Variants in UGT3A1 observed in about 807,000 individuals in gnomAD.
UGT3A1 encodes the protein UDP-glycosyltransferase 3A1.
UGT3A1 carries 40 observed loss-of-function variants against 37.6 expected under a neutral mutation model. That is an observed-to-expected ratio of 1.06 (90% CI 0.83 to 1.38). The LOEUF (loss-of-function observed/expected upper bound fraction) is 1.38. UGT3A1 is among the 40% of genes most tolerant of loss of function. UGT3A1 has a pLI of 0.00. For missense variants in UGT3A1, 642 were observed against 634.2 expected (o/e 1.01, Z -0.13); for synonymous variants, 256 against 232.3 (o/e 1.10, Z -0.93).
chr5:35,972,378 T>A (rs1203913069), intron 2 of UGT3A1, among the ~76,000 whole-genome samples: 2 of 151,714 alleles, frequency 1.3e-5, no homozygotes, highest in Non-Finnish European at 2.9e-5. Context: ...AAAAAAAAAA[T>A]TCTGCTTCAA....
At chr5:35,961,814 G>C (rs1739598637) in intron 4 of UGT3A1, 1 of 152,162 alleles carries the variant, frequency 6.6e-6, no homozygotes, top group African/African-American at 2.4e-5. Flanking sequence ...TTATTCTTCA[G>C]AATTAGTTGT....
At chr5:35,993,906 T>TAAAC (rs112310796), upstream of UGT3A1, among the ~76,000 whole-genome samples, 10 of 70,994 alleles carry the variant, frequency 1.4e-4, no homozygotes, top group African/African-American at 2.5e-4. Context: ...ATGCTGTTAT[T>TAAAC]AAACAAACAA....
intron 2 of UGT3A1, among the ~76,000 whole-genome samples, chr5:35,972,209 C>T (rs1007456710): frequency 6.6e-6 from 1 of 152,112 alleles, no homozygotes; most frequent in Non-Finnish European, 1.5e-5. Flanking sequence ...AAACACTAAT[C>T]TAGGTGTTGA....
chr5:35,991,098 C>T (rs1273641183), intron 1 of UGT3A1, 49 bp downstream of exon 1: 3 of 1,614,032 alleles, frequency 1.9e-6, no homozygotes, highest in Non-Finnish European at 2.5e-6. Context: ...CCTGGCAGTG[C>T]GGGGATCCGG....
At chr5:35,965,274 C>A (rs1739751606) in intron 4 of UGT3A1, 112 bp downstream of exon 4, 1 of 1,489,506 alleles carries the variant, frequency 6.7e-7, no homozygotes, top group Non-Finnish European at 9.0e-7. Flanking sequence ...CTAGGTGCCT[C>A]CTTTGCCAAT....
In UGT3A1 at chr5:35,955,912, T is replaced by C. The variant is rs773557334; in HGVS notation, c.1076-48A>G. 8 of 1,593,512 alleles carry C rather than the reference T, an allele frequency of 5.0e-6. No individual in the cohort carries two copies. In the Admixed American group the frequency reaches 1.4e-4, roughly 27 times the overall value. On this transcript the variant is annotated intron_variant, in intron 5 of 6. Transcript: ENST00000274278. ...TGGAACACTTCAGGATGAAAAATTT[T>C]GGAATACCAGGTAAAGCAGAAAAGT...
chr5:35,957,148 G>T, intron 5 of UGT3A1, 40 bp downstream of exon 5: 1 of 1,564,064 alleles, frequency 6.4e-7, no homozygotes, highest in Non-Finnish European at 8.8e-7. Context: ...ACCAAAGGCA[G>T]GTCAATGGAA....
At chr5:35,961,524 T>A (rs1308115143) in intron 4 of UGT3A1, 1 of 152,204 alleles carries the variant, frequency 6.6e-6, no homozygotes. Context: ...TGTTTCACCC[T>A]GGTGAAAGAA....
intron 4 of UGT3A1, among the ~76,000 whole-genome samples, chr5:35,963,506 T>G (rs1266015865): frequency 6.6e-6 from 1 of 152,050 alleles, no homozygotes; most frequent in Non-Finnish European, 1.5e-5. Context: ...AGCAGCGTGC[T>G]GGGAAAAGGA....
At chr5:35,969,850 T>C (rs1739962945) in intron 2 of UGT3A1, among the ~76,000 whole-genome samples, 3 of 152,168 alleles carry the variant, frequency 2.0e-5, no homozygotes, top group Admixed American at 6.5e-5. Flanking sequence ...AGACGGCAAA[T>C]ATATATGCCC....
intron 2 of UGT3A1, among the ~76,000 whole-genome samples, chr5:35,981,304 A>G (rs542711197): frequency 2.6e-5 from 4 of 152,326 alleles, no homozygotes; most frequent in Non-Finnish European, 5.9e-5. Flanking sequence ...CCAGAACTCA[A>G]ATATGAGAAT....
chr5:35,956,224 T>A (rs2149948281), intron 5 of UGT3A1, among the ~76,000 whole-genome samples: 1 of 152,376 alleles, frequency 6.6e-6, no homozygotes. Flanking sequence ...ACACTGTATG[T>A]GCTGTTTTCT....
At chr5:35,977,102 AAG>A (rs1740317585) in intron 2 of UGT3A1, among the ~76,000 whole-genome samples, 2 of 44,156 alleles carry the variant, frequency 4.5e-5, no homozygotes. Context: ...GAAAGAAAGA[AAG>A]AGAAAGAGAG....
intron 2 of UGT3A1, among the ~76,000 whole-genome samples, chr5:35,976,333 C>T (rs912185266): frequency 1.3e-5 from 2 of 152,114 alleles, no homozygotes. Context: ...TAGAAGATCT[C>T]TTAGGGCATC....
chr5:35,990,362 C>T (rs1191009376), intron 1 of UGT3A1, among the ~76,000 whole-genome samples: 1 of 152,114 alleles, frequency 6.6e-6, no homozygotes, highest in African/African-American at 2.4e-5. Context: ...CTTTAGCGCC[C>T]ACTACGGATT....
rs541824037 is a variant in UGT3A1, at chr5:35,951,223, G to C, written c.*2979C>G. The C allele has an allele frequency of 6.6e-6, 1 of 151,822 alleles. No individual in the cohort carries two copies. Among genetic ancestry groups the C allele is most frequent in the South Asian group, 2.1e-4 (1 of 4,822 alleles). 9.4% of individuals were successfully genotyped at this position (151,822 alleles called of 1,614,324 possible). On this transcript the variant is annotated 3_prime_UTR_variant, in exon 7 of 7. Transcript: ENST00000274278. ...TATACTTGGTATGCAAAATATTAAC[G>C]TTTCCAAAATCCAAACTATGTAAAA...
Position 35,965,742 on chromosome 5 carries a change from C to T in UGT3A1, c.487G>A (p.Val163Met). 6.2e-7 allele frequency: 1 copy of T among 1,614,196 alleles called. No homozygotes were observed. The highest frequency in any genetic ancestry group is 8.5e-7 in the Non-Finnish European group (1 of 1,180,028). Residue 163 changes from valine to methionine, a missense_variant, in exon 4 of 7, where the codon GTG (valine) becomes ATG (methionine). Val to Met is a conservative substitution (Grantham distance 21). Coordinates refer to ENST00000274278, the MANE Select transcript of UGT3A1 (RefSeq NM_152404.4). ...LIAEKLVKPF[V>M]AILPTTFGSL... ...CCGAATGTGGTGGGAAGAATGGCCACAAATGGTTTCACAAGCTTCTCAGCA... is the reference window on the plus strand; with the variant it reads ...CCGAATGTGGTGGGAAGAATGGCCATAAATGGTTTCACAAGCTTCTCAGCA...
chr5:35,962,507 T>G, intron 4 of UGT3A1: 1 of 172,900 alleles, frequency 5.8e-6, no homozygotes, highest in Non-Finnish European at 1.2e-5. Context: ...CTGCTGGGAG[T>G]GCCTCTGGGA....
At position 35,964,378 on chromosome 5, in the gene UGT3A1, G is replaced by A. The variant is rs190198315; in HGVS notation, c.843+1008C>T. Reference sequence around the variant, plus strand: ...ACCCAGTGCTATGGCCATCTCACTTGCACCTCCACATGTTAGGTCCCCCGC... The same window carrying A: ...ACCCAGTGCTATGGCCATCTCACTTACACCTCCACATGTTAGGTCCCCCGC... On this transcript the variant is annotated intron_variant, in intron 4 of 6. Transcript: ENST00000274278. Among the ~76,000 whole-genome samples, 28 of 152,132 alleles carry A rather than the reference G, an allele frequency of 1.8e-4. No individual in the cohort carries two copies. In the East Asian group the frequency reaches 5.4e-3, roughly 29 times the overall value.
Sources: gnomAD v4.1 joint callset for allele counts (sites outside exome capture counted in the v4.1 genomes callset) on GRCh38, gnomAD v4.1.1 for gene constraint, MANE v1.5 for transcripts, NCBI Gene and HGNC (gene_info 2026-07-23, HGNC 2026-07-21) for gene names.